Variants in CALB2 observed in about 807,000 individuals in gnomAD.
CALB2 encodes the protein calretinin.
Under a neutral mutation model 45.9 loss-of-function variants are expected in CALB2, and 34 were observed. The observed-to-expected ratio is 0.74, with a 90% confidence interval of 0.56 to 0.99. The LOEUF (loss-of-function observed/expected upper bound fraction) is 0.99. Among genes scored for constraint, CALB2 ranks in the 50% least tolerant of loss-of-function variants. The pLI is 0.00. For synonymous variants in CALB2, 142 were observed against 129.6 expected (o/e 1.10, Z -0.65); for missense variants, 344 against 339.3 (o/e 1.01, Z -0.11).
intron 1 of CALB2, among the ~76,000 whole-genome samples, chr16:71,360,234 G>C (rs2042224950): frequency 6.6e-6 from 1 of 152,174 alleles, no homozygotes; most frequent in Non-Finnish European, 1.5e-5. Flanking sequence ...GAGTGCTATG[G>C]GGAGGCAGGG....
intron 3 of CALB2, among the ~76,000 whole-genome samples, chr16:71,377,164 G>T (rs1187276747): frequency 1.3e-5 from 2 of 152,198 alleles, no homozygotes; most frequent in Non-Finnish European, 2.9e-5. Context: ...AATTATTGCA[G>T]TATCAATTTA....
intron 1 of CALB2, among the ~76,000 whole-genome samples, chr16:71,366,120 A>G (rs1482695337): frequency 1.5e-5 from 2 of 134,360 alleles, no homozygotes; most frequent in South Asian, 2.4e-4. Flanking sequence ...TCCACCTCCC[A>G]GGTTCACGCC....
intron 1 of CALB2, among the ~76,000 whole-genome samples, chr16:71,367,220 G>A (rs1435405048): frequency 6.6e-6 from 1 of 152,140 alleles, no homozygotes; most frequent in Non-Finnish European, 1.5e-5. Flanking sequence ...CTCTCACTTC[G>A]GCTCTGCTCC....
chr16:71,386,184 T>C (rs756873516), intron 10 of CALB2, among the ~76,000 whole-genome samples: 2 of 152,248 alleles, frequency 1.3e-5, no homozygotes, highest in Non-Finnish European at 2.9e-5. Flanking sequence ...TCCCTTCCTT[T>C]TTAAAGCTGA....
intron 1 of CALB2, among the ~76,000 whole-genome samples, chr16:71,360,893 T>G (rs1335269545): frequency 6.6e-6 from 1 of 152,134 alleles, no homozygotes; most frequent in Non-Finnish European, 1.5e-5. Flanking sequence ...CCACTCTGGT[T>G]CCTGAACACC....
At chr16:71,382,339 G>T (rs2042508906) in intron 4 of CALB2, among the ~76,000 whole-genome samples, 1 of 152,194 alleles carries the variant, frequency 6.6e-6, no homozygotes, top group Non-Finnish European at 1.5e-5. Context: ...AGATGATGTG[G>T]TAAAAGGCAG....
chr16:71,363,216 A>G (rs977911939), intron 1 of CALB2, among the ~76,000 whole-genome samples: 1 of 152,200 alleles, frequency 6.6e-6, no homozygotes, highest in East Asian at 1.9e-4. Flanking sequence ...AAATAAAGAT[A>G]TAAGAAGAAA....
At chr16:71,358,983 GC>G in intron 1 of CALB2, 97 bp downstream of exon 1, 1 of 1,067,772 alleles carries the variant, frequency 9.4e-7, no homozygotes, top group Non-Finnish European at 1.4e-6. Flanking sequence ...GTGTACGTTT[GC>G]CCTCAGGAGG....
intron 10 of CALB2, chr16:71,389,535 C>T: frequency 1.4e-6 from 1 of 717,288 alleles, no homozygotes; most frequent in Non-Finnish European, 2.6e-6. Flanking sequence ...AGGTTGACTA[C>T]CTTCCCCAAA....
intron 1 of CALB2, among the ~76,000 whole-genome samples, chr16:71,366,692 T>A (rs2042292264): frequency 6.6e-6 from 1 of 152,182 alleles, no homozygotes. Context: ...CGGGTTTTCA[T>A]CTATAAATTG....
chr16:71,368,068 C>CAGAGCAATGAAAG, intron 1 of CALB2, among the ~76,000 whole-genome samples: 1 of 152,318 alleles, frequency 6.6e-6, no homozygotes, highest in South Asian at 2.1e-4. Context: ...ATCATTCTTT[C>CAGAGCAATGAAAG]ATTGCTCTCG....
chr16:71,377,632 C>T (rs770739478), intron 3 of CALB2, 35 bp from the exon 4 acceptor site: 1 of 1,500,258 alleles, frequency 6.7e-7, no homozygotes, highest in South Asian at 1.1e-5. Flanking sequence ...TCAAGTCCCT[C>T]CATAACGTTA....
At chr16:71,362,208 C>T (rs769019437) in intron 1 of CALB2, among the ~76,000 whole-genome samples, 11 of 152,242 alleles carry the variant, frequency 7.2e-5, no homozygotes, top group Non-Finnish European at 1.5e-4. Flanking sequence ...ATGCCCAGTT[C>T]AGAGTTCACA....
At chr16:71,374,603 G>A in intron 2 of CALB2, 142 bp from the exon 3 acceptor site, 1 of 599,800 alleles carries the variant, frequency 1.7e-6, no homozygotes, top group Non-Finnish European at 3.1e-6. Context: ...AAACAACACA[G>A]CTCTGATCAA....
chr16:71,380,084 G>T (rs1250912730), intron 4 of CALB2, among the ~76,000 whole-genome samples: 1 of 151,894 alleles, frequency 6.6e-6, no homozygotes, highest in Non-Finnish European at 1.5e-5. Context: ...CTCCTTTCCT[G>T]ATAGAGAGAC....
At chr16:71,382,829 G>A in intron 5 of CALB2, 54 bp downstream of exon 5, 1 of 1,495,666 alleles carries the variant, frequency 6.7e-7, no homozygotes, top group Non-Finnish European at 9.1e-7. Context: ...GGCTTAAGGT[G>A]CCTGAGGAGG....
chr16:71,384,728 CCACA>C lies in CALB2; in HGVS notation c.574-47_574-44del, dbSNP rs1280266481. 7 of 930,074 alleles carry C rather than the reference CCACA, an allele frequency of 7.5e-6. No individual in the cohort carries two copies. The Admixed American group carries it at 2.0e-4, about 27-fold the overall frequency. 57.6% of individuals were successfully genotyped at this position (930,074 alleles called of 1,614,324 possible). On this transcript the variant is annotated intron_variant, in intron 8 of 10. Transcript: ENST00000302628. Reference sequence around the variant, plus strand: ...TAAACACACACACACAAACGCACACCCACACACACACCACTGCGCTTCTGCTTCT... The same window carrying C: ...TAAACACACACACACAAACGCACACCCACACACCACTGCGCTTCTGCTTCT...
At position 71,372,176 on chromosome 16, in the gene CALB2, G is replaced by A. The variant is rs1286690687; in HGVS notation, c.118G>A (p.Glu40Lys). The change falls in exon 2 of 11, where the codon GAG becomes AAG. Residue 40 changes from glutamate (E) to lysine (K), a missense_variant. Around this residue, in one of 3 missense-constraint regions of CALB2, gnomAD observed 77 missense variants for 80.5 expected, o/e 0.96. Coordinates refer to ENST00000302628, the MANE Select transcript of CALB2 (RefSeq NM_001740.5). ...AGGAAATGGGTATATTGAAGGTAAAGAGCTAGAAAACTTTTTCCAAGAGCT... is the reference window on the plus strand; with the variant it reads ...AGGAAATGGGTATATTGAAGGTAAAAAGCTAGAAAACTTTTTCCAAGAGCT... Reference protein sequence around the residue: ...ADGNGYIEGKELENFFQELEK... With the variant: ...ADGNGYIEGKKLENFFQELEK... The A allele has an allele frequency of 2.5e-6, 4 of 1,612,174 alleles. No homozygotes were observed. Among genetic ancestry groups the A allele is most frequent in the Non-Finnish European group, 2.5e-6 (3 of 1,178,702 alleles).
chr16:71,371,425 A>G (rs2042349491), intron 1 of CALB2, among the ~76,000 whole-genome samples: 1 of 152,162 alleles, frequency 6.6e-6, no homozygotes. Flanking sequence ...ACAGAAATGT[A>G]TTCTCTCACA....
Sources: allele counts gnomAD v4.1 joint callset (sites outside exome capture counted in the v4.1 genomes callset), GRCh38; gene constraint gnomAD v4.1.1; regional missense constraint gnomAD v4.1.1; transcripts MANE v1.5; gene names NCBI Gene and HGNC (gene_info 2026-07-23, HGNC 2026-07-21).